The following KCNT2 variants were observed in gnomAD, a reference collection of about 807,000 sequenced individuals.
The protein encoded by KCNT2 is potassium channel subfamily T member 2.
Under a neutral mutation model 153.8 loss-of-function variants are expected in KCNT2, and 67 were observed. That is an observed-to-expected ratio of 0.44 (90% CI 0.36 to 0.53). The LOEUF (loss-of-function observed/expected upper bound fraction) is 0.53, where lower values mean the gene tolerates loss of function less well. Among genes scored for constraint, KCNT2 ranks in the 20% least tolerant of loss-of-function variants. The pLI is 0.00. For missense variants in KCNT2, 975 were observed against 1,354.8 expected, an observed-to-expected ratio of 0.72 and a Z score of 4.40; for synonymous variants, 500 against 458.8, an observed-to-expected ratio of 1.09 and a Z score of -1.15.
At chr1:196,253,952 A>C (rs1236919710) in intron 26 of KCNT2, among the ~76,000 whole-genome samples, 1 of 151,552 alleles carries the variant, frequency 6.6e-6, no homozygotes, top group Non-Finnish European at 1.5e-5. Flanking sequence ...ATATATGTAT[A>C]AGTGCAATTA....
chr1:196,486,711 T>TA (rs34752996), intron 3 of KCNT2, among the ~76,000 whole-genome samples: 2,599 of 151,474 alleles, frequency 0.017, 79 homozygotes, highest in African/African-American at 0.059. Context: ...CTGGTAGCTC[T>TA]AAAAAAAAAC....
chr1:196,285,085 G>T (rs1659532733), intron 23 of KCNT2, among the ~76,000 whole-genome samples: 2 of 152,142 alleles, frequency 1.3e-5, no homozygotes, highest in Admixed American at 1.3e-4. Context: ...ATATTAGTGT[G>T]AACAAACACC....
chr1:196,294,434 C>T (rs546476548), intron 22 of KCNT2, among the ~76,000 whole-genome samples: 12 of 152,130 alleles, frequency 7.9e-5, no homozygotes, highest in African/African-American at 2.9e-4. Context: ...CGCCACCATA[C>T]CCAGTTAATT....
At chr1:196,240,814 C>A (rs1438583075) in intron 26 of KCNT2, among the ~76,000 whole-genome samples, 1 of 151,906 alleles carries the variant, frequency 6.6e-6, no homozygotes, top group Non-Finnish European at 1.5e-5. Flanking sequence ...TTGTAAGGAT[C>A]GAGGGGAAGG....
At chr1:196,359,755 T>C (rs897651848) in intron 14 of KCNT2, among the ~76,000 whole-genome samples, 4 of 151,874 alleles carry the variant, frequency 2.6e-5, no homozygotes, top group Non-Finnish European at 5.9e-5. Flanking sequence ...GAATTTTTGA[T>C]TTAACAAAAC....
intron 8 of KCNT2, among the ~76,000 whole-genome samples, chr1:196,438,188 T>A (rs1016137970): frequency 3.3e-5 from 5 of 151,686 alleles, no homozygotes; most frequent in African/African-American, 1.2e-4. Context: ...AGCCCCAGAA[T>A]GAGAGAAATA....
intron 5 of KCNT2, among the ~76,000 whole-genome samples, chr1:196,471,186 C>T (rs1035079729): frequency 6.6e-6 from 1 of 152,024 alleles, no homozygotes; most frequent in Non-Finnish European, 1.5e-5. Context: ...GGATTACAGG[C>T]ATGAGCCATT....
intron 1 of KCNT2, among the ~76,000 whole-genome samples, chr1:196,588,079 T>C (rs1156639095): frequency 6.6e-6 from 1 of 152,048 alleles, no homozygotes; most frequent in African/African-American, 2.4e-5. Context: ...AAGGGGCAAA[T>C]TCTCTTTTAT....
At chr1:196,510,041 C>T (rs950524525) in intron 1 of KCNT2, among the ~76,000 whole-genome samples, 1 of 151,918 alleles carries the variant, frequency 6.6e-6, no homozygotes, top group Non-Finnish European at 1.5e-5. Context: ...AAGATATTTT[C>T]TTATTTAAGC....
At chr1:196,592,894 T>C (rs1053729017) in intron 1 of KCNT2, among the ~76,000 whole-genome samples, 17 of 149,992 alleles carry the variant, frequency 1.1e-4, no homozygotes, top group African/African-American at 3.4e-4. Context: ...AAAATTATTT[T>C]TAAGAAAATT....
chr1:196,469,260 T>A (rs1398289499), intron 5 of KCNT2, among the ~76,000 whole-genome samples, 192 bp from the exon 6 acceptor site: 2 of 152,156 alleles, frequency 1.3e-5, no homozygotes, highest in African/African-American at 2.4e-5. Context: ...CTCAATTTTG[T>A]AAGTTTAAGA....
intron 12 of KCNT2, among the ~76,000 whole-genome samples, chr1:196,416,844 G>T (rs999497548): frequency 3.3e-5 from 5 of 151,910 alleles, no homozygotes; most frequent in African/African-American, 1.2e-4. Flanking sequence ...TCACTCTGTT[G>T]TGCTATGAAA....
At chr1:196,483,855 C>T (rs986373813) in intron 3 of KCNT2, among the ~76,000 whole-genome samples, 7 of 152,230 alleles carry the variant, frequency 4.6e-5, no homozygotes, top group African/African-American at 1.7e-4. Flanking sequence ...CAATGCCTTG[C>T]TAAGTACCTG....
In KCNT2 at chr1:196,515,230, C is replaced by T. The variant is rs533759642; in HGVS notation, c.96-22889G>A. Among the ~76,000 whole-genome samples, 20 of 152,286 alleles carry T rather than the reference C, an allele frequency of 1.3e-4. No homozygotes were observed. In the South Asian group the frequency reaches 4.1e-3, roughly 32 times the overall value. ...GGGAATAACTACAGCATGGTCCCAT[C>T]CATGACCCTGAGGCTTGCAAATAGA... On this transcript the variant is annotated intron_variant, in intron 1 of 27. Transcript: ENST00000294725.
intron 8 of KCNT2, among the ~76,000 whole-genome samples, chr1:196,450,878 T>C (rs534056500): frequency 6.6e-6 from 1 of 152,060 alleles, no homozygotes; most frequent in African/African-American, 2.4e-5. Context: ...CTCCTCTGCC[T>C]AGCACACTTT....
At chr1:196,472,899 A>G (rs1678217754) in intron 5 of KCNT2, among the ~76,000 whole-genome samples, 1 of 151,952 alleles carries the variant, frequency 6.6e-6, no homozygotes, top group Non-Finnish European at 1.5e-5. Flanking sequence ...ACTATTACCA[A>G]TCCCCTGCAC....
chr1:196,304,596 A>AG (rs1450320601), intron 22 of KCNT2, among the ~76,000 whole-genome samples: 1 of 151,928 alleles, frequency 6.6e-6, no homozygotes, highest in East Asian at 1.9e-4. Flanking sequence ...ACTATTTAGT[A>AG]GTAAGTAAAA....
chr1:196,394,693 GA>G (rs1238245403), intron 13 of KCNT2, among the ~76,000 whole-genome samples: 1 of 150,840 alleles, frequency 6.6e-6, no homozygotes, highest in Non-Finnish European at 1.5e-5. Flanking sequence ...AAGATGAATA[GA>G]AAGAAAAAAA....
intron 1 of KCNT2, among the ~76,000 whole-genome samples, chr1:196,568,673 T>A (rs1370040206): frequency 2.0e-5 from 3 of 151,806 alleles, no homozygotes; most frequent in Non-Finnish European, 2.9e-5. Context: ...AATGCTCTTT[T>A]TCTGGCAACT....
Sources: gnomAD v4.1 joint callset for allele counts (sites outside exome capture counted in the v4.1 genomes callset) on GRCh38, gnomAD v4.1.1 for gene constraint, MANE v1.5 for transcripts, NCBI Gene and HGNC (gene_info 2026-07-23, HGNC 2026-07-21) for gene names.